The following RAB38 variants were observed in gnomAD, a reference collection of about 807,000 sequenced individuals.
RAB38 encodes ras-related protein Rab-38.
In RAB38, 15 loss-of-function variants were observed where a neutral mutation model predicts 18.4. That is an observed-to-expected ratio of 0.82 (90% CI 0.55 to 1.26). The LOEUF (loss-of-function observed/expected upper bound fraction) is 1.26, where lower values mean the gene tolerates loss of function less well. Among genes scored for constraint, RAB38 ranks in the 50% most tolerant of loss-of-function variants. The pLI, the probability that RAB38 is intolerant of heterozygous loss-of-function variation, is 0.00. For synonymous variants in RAB38, 101 were observed against 104.4 expected (o/e 0.97, Z 0.20); for missense variants, 294 against 267.4 (o/e 1.10, Z -0.69).
At chr11:87,928,895 A>G in the RAB38 span, among the ~76,000 whole-genome samples, 1 of 152,132 alleles carries the variant, frequency 6.6e-6, no homozygotes, top group Non-Finnish European at 1.5e-5. Context: ...CAGGCGGATC[A>G]TTTGAGATCA....
chr11:87,838,592 G>C, the RAB38 span, among the ~76,000 whole-genome samples: 4 of 152,190 alleles, frequency 2.6e-5, no homozygotes, highest in Admixed American at 6.5e-5. Flanking sequence ...TCTGGAGAAA[G>C]CTGGGTGGTC....
At chr11:87,935,486 A>T in the RAB38 span, among the ~76,000 whole-genome samples, 1 of 152,138 alleles carries the variant, frequency 6.6e-6, no homozygotes, top group East Asian at 1.9e-4. Context: ...TCCTGAGATT[A>T]ATTTTGTTCC....
At chr11:87,825,544 T>C in the RAB38 span, among the ~76,000 whole-genome samples, 1 of 152,104 alleles carries the variant, frequency 6.6e-6, no homozygotes, top group Non-Finnish European at 1.5e-5. Flanking sequence ...CCAGTGCAGT[T>C]GGACTAGGGC....
At chr11:87,848,721 A>G in the RAB38 span, among the ~76,000 whole-genome samples, 1 of 152,102 alleles carries the variant, frequency 6.6e-6, no homozygotes, top group Non-Finnish European at 1.5e-5. Context: ...TGTCAGATAA[A>G]CAGTAAAGCT....
chr11:88,069,842 GTT>G, the RAB38 span, among the ~76,000 whole-genome samples: 1 of 150,844 alleles, frequency 6.6e-6, no homozygotes, highest in Non-Finnish European at 1.5e-5. Flanking sequence ...AATCTAGTGG[GTT>G]ACTTGGAGAA....
At chr11:88,091,736 G>C in the RAB38 span, among the ~76,000 whole-genome samples, 17 of 152,102 alleles carry the variant, frequency 1.1e-4, no homozygotes, top group African/African-American at 4.1e-4. Context: ...GCTAGCCTGG[G>C]AGGGTTCTTG....
At chr11:87,853,556 A>G in the RAB38 span, among the ~76,000 whole-genome samples, 2 of 152,238 alleles carry the variant, frequency 1.3e-5, no homozygotes, top group Non-Finnish European at 2.9e-5. Context: ...GTTATGGGAC[A>G]GCCCAAGCTG....
chr11:88,168,115 T>C (rs933887499), intron 1 of RAB38, among the ~76,000 whole-genome samples: 1 of 152,170 alleles, frequency 6.6e-6, no homozygotes, highest in African/African-American at 2.4e-5. Context: ...CCACTTTTAC[T>C]AAGCAACAAT....
At chr11:87,828,730 A>G in the RAB38 span, among the ~76,000 whole-genome samples, 18 of 152,114 alleles carry the variant, frequency 1.2e-4, 1 homozygote, top group South Asian at 3.7e-3. Flanking sequence ...GTAATTGCTT[A>G]TTCACTGACT....
chr11:87,828,592 TA>T, the RAB38 span, among the ~76,000 whole-genome samples: 6 of 152,148 alleles, frequency 3.9e-5, no homozygotes, highest in Admixed American at 3.9e-4. Context: ...CTAGGGAAGG[TA>T]ACTAGGTTCT....
the RAB38 span, among the ~76,000 whole-genome samples, chr11:87,890,268 T>TAA: frequency 6.6e-6 from 1 of 151,868 alleles, no homozygotes; most frequent in Non-Finnish European, 1.5e-5. Flanking sequence ...CTGGGGAGAT[T>TAA]AAGTATGTTG....
At chr11:88,090,717 C>A in the RAB38 span, among the ~76,000 whole-genome samples, 1 of 151,880 alleles carries the variant, frequency 6.6e-6, no homozygotes, top group Non-Finnish European at 1.5e-5. Flanking sequence ...AATGTCAGTG[C>A]CAAAAACCTG....
chr11:87,920,546 T>C, the RAB38 span, among the ~76,000 whole-genome samples: 2 of 152,088 alleles, frequency 1.3e-5, no homozygotes, highest in Non-Finnish European at 2.9e-5. Context: ...GGGCTTATTT[T>C]GTGGTTTAAT....
chr11:87,826,728 C>A, the RAB38 span, among the ~76,000 whole-genome samples: 1 of 152,004 alleles, frequency 6.6e-6, no homozygotes, highest in South Asian at 2.1e-4. Flanking sequence ...GAATTTTGTT[C>A]AAGTTCATTT....
intron 2 of RAB38, among the ~76,000 whole-genome samples, chr11:88,128,578 CT>C (rs1283175175): frequency 1.3e-5 from 2 of 152,184 alleles, no homozygotes; most frequent in African/African-American, 4.8e-5. Flanking sequence ...AAATTAATCT[CT>C]CAAATACCAT....
At chr11:87,829,886 C>A in the RAB38 span, among the ~76,000 whole-genome samples, 3 of 152,080 alleles carry the variant, frequency 2.0e-5, no homozygotes, top group Non-Finnish European at 4.4e-5. Context: ...CAAATATCTT[C>A]ATGAAGCAAA....
At chr11:87,881,392 C>T in the RAB38 span, among the ~76,000 whole-genome samples, 20 of 151,826 alleles carry the variant, frequency 1.3e-4, no homozygotes, top group African/African-American at 4.8e-4. Context: ...CTGACTCTTC[C>T]TTTGTCTTCT....
the RAB38 span, among the ~76,000 whole-genome samples, chr11:88,019,597 T>C: frequency 6.6e-6 from 1 of 152,302 alleles, no homozygotes; most frequent in African/African-American, 2.4e-5. Context: ...GTTCTTAAAA[T>C]GGCTCACAAG....
At chr11:88,041,194 TG>T in the RAB38 span, among the ~76,000 whole-genome samples, 7 of 152,218 alleles carry the variant, frequency 4.6e-5, no homozygotes, top group Non-Finnish European at 1.0e-4. Flanking sequence ...CTTATATAAA[TG>T]TTAACTTCAG....
Sources: gnomAD v4.1 joint callset for allele counts (sites outside exome capture counted in the v4.1 genomes callset) on GRCh38, gnomAD v4.1.1 for gene constraint, MANE v1.5 for transcripts, NCBI Gene and HGNC (gene_info 2026-07-23, HGNC 2026-07-21) for gene names.